The following EPHA7 variants were observed in gnomAD, a reference collection of about 807,000 sequenced individuals.
EPHA7 encodes the protein EPH receptor A7, also known as ephrin type-A receptor 7.
In EPHA7, 25 loss-of-function variants were observed where a neutral mutation model predicts 112.6. The ratio of observed to expected loss-of-function variants is 0.22; its 90% CI spans 0.16 to 0.31. EPHA7 has a LOEUF of 0.31. Ranked by LOEUF, EPHA7 falls within the 10% of genes least tolerant of loss-of-function variation. The pLI is 1.00. For synonymous variants in EPHA7, 437 were observed against 406.5 expected, an observed-to-expected ratio of 1.07 and a Z score of -0.90; for missense variants, 962 against 1,212.6, an observed-to-expected ratio of 0.79 and a Z score of 3.07.
chr6:93,316,848 A>T (rs181924248), intron 5 of EPHA7, among the ~76,000 whole-genome samples: 112 of 152,290 alleles, frequency 7.4e-4, no homozygotes, highest in African/African-American at 2.6e-3. Flanking sequence ...CTTGGCTTCT[A>T]ACTATACAAG....
chr6:93,279,052 C>T (rs953210961), intron 5 of EPHA7, among the ~76,000 whole-genome samples: 2 of 152,102 alleles, frequency 1.3e-5, no homozygotes, highest in African/African-American at 4.8e-5. Flanking sequence ...TTAAGCTGAG[C>T]AGAGATTTTT....
chr6:93,398,362 C>A (rs1164798575), intron 3 of EPHA7, among the ~76,000 whole-genome samples: 1 of 151,906 alleles, frequency 6.6e-6, no homozygotes. Flanking sequence ...CCAAATGTTA[C>A]AAAAGAGACT....
chr6:93,388,052 CATAGAGTAATCCAA>C (rs2127978215), intron 3 of EPHA7, among the ~76,000 whole-genome samples: 1 of 152,114 alleles, frequency 6.6e-6, no homozygotes, highest in African/African-American at 2.4e-5. Flanking sequence ...ATATAAAGAA[CATAGAGTAATCCAA>C]ATAGTCCACC....
intron 3 of EPHA7, among the ~76,000 whole-genome samples, chr6:93,369,075 A>G (rs1776650906): frequency 6.6e-6 from 1 of 152,008 alleles, no homozygotes; most frequent in South Asian, 2.1e-4. Flanking sequence ...AAAGAAAATA[A>G]CAAGCAGAAT....
chr6:93,364,473 G>A (rs773260837), intron 3 of EPHA7, among the ~76,000 whole-genome samples: 57 of 148,298 alleles, frequency 3.8e-4, no homozygotes, highest in Non-Finnish European at 6.8e-4. Flanking sequence ...GCAGTGAGCC[G>A]AGATGGTGCC....
At chr6:93,408,573 C>CA (rs1778826764) in intron 3 of EPHA7, among the ~76,000 whole-genome samples, 1 of 152,052 alleles carries the variant, frequency 6.6e-6, no homozygotes, top group South Asian at 2.1e-4. Flanking sequence ...CCTTCAGGGA[C>CA]ATAAAAGGAG....
intron 5 of EPHA7, among the ~76,000 whole-genome samples, chr6:93,293,489 C>A (rs560288406): frequency 3.5e-4 from 53 of 152,172 alleles, no homozygotes; most frequent in African/African-American, 1.2e-3. Context: ...TGCTTGCTCC[C>A]AAGATCATCA....
chr6:93,343,550 A>AT (rs921950421), intron 5 of EPHA7, among the ~76,000 whole-genome samples: 21 of 151,750 alleles, frequency 1.4e-4, no homozygotes, highest in African/African-American at 4.8e-4. Flanking sequence ...GAAAACAGGC[A>AT]TAGCAAACAC....
At chr6:93,254,144 A>G (rs1210483797) in intron 14 of EPHA7, among the ~76,000 whole-genome samples, 1 of 152,172 alleles carries the variant, frequency 6.6e-6, no homozygotes, top group Non-Finnish European at 1.5e-5. Flanking sequence ...CTAAAATATC[A>G]CTATGAAACA....
chr6:93,258,500 G>T (rs1301281058), intron 10 of EPHA7, among the ~76,000 whole-genome samples: 1 of 151,786 alleles, frequency 6.6e-6, no homozygotes, highest in East Asian at 1.9e-4. Flanking sequence ...AGTTGTTTAT[G>T]AAAATAATGG....
chr6:93,389,605 C>A (rs1481686568), intron 3 of EPHA7, among the ~76,000 whole-genome samples: 1 of 151,936 alleles, frequency 6.6e-6, no homozygotes. Flanking sequence ...TCATTAAATT[C>A]TTGTCAGAGG....
chr6:93,269,369 G>C, intron 7 of EPHA7, 108 bp downstream of exon 7: 1 of 793,820 alleles, frequency 1.3e-6, no homozygotes, highest in East Asian at 3.0e-5. Context: ...ATATTTATTT[G>C]TAAATGTAAA....
At chr6:93,389,296 GTA>G (rs977036552) in intron 3 of EPHA7, among the ~76,000 whole-genome samples, 4 of 152,000 alleles carry the variant, frequency 2.6e-5, no homozygotes, top group Non-Finnish European at 5.9e-5. Context: ...TACTTTGTGT[GTA>G]TTACATCACT....
At chr6:93,401,248 A>G (rs963802647) in intron 3 of EPHA7, among the ~76,000 whole-genome samples, 1 of 152,164 alleles carries the variant, frequency 6.6e-6, no homozygotes, top group African/African-American at 2.4e-5. Context: ...TCCATAAAAA[A>G]TATAACCATT....
intron 2 of EPHA7, among the ~76,000 whole-genome samples, chr6:93,412,317 G>T (rs3799791): frequency 0.075 from 11,425 of 151,962 alleles, 522 homozygotes; most frequent in African/African-American, 0.13. Flanking sequence ...AAAATCATGG[G>T]TAAATACTTT....
At chr6:93,328,670 G>A (rs1348234015) in intron 5 of EPHA7, among the ~76,000 whole-genome samples, 1 of 151,240 alleles carries the variant, frequency 6.6e-6, no homozygotes, top group African/African-American at 2.4e-5. Context: ...CTGAGTCATG[G>A]CAATTTTAAT....
rs555821846 is a variant in EPHA7 at position 93,284,320 on chromosome 6, ATTT to A, written c.1325-11901_1325-11899del. 2.2e-5 allele frequency among the ~76,000 whole-genome samples: 3 copies of A among 138,672 alleles called. No homozygotes were observed. The South Asian group carries it at 7.9e-4, about 37-fold the overall frequency. The allele number at this position is 138,672 out of a possible 152,430, so 91.0% of individuals were successfully genotyped here. A position where few individuals can be genotyped will look rare whatever the true frequency, so the allele number is the denominator to read the frequency against. On this transcript the variant is annotated intron_variant, in intron 5 of 16. Transcript: ENST00000369303. ...TCCTCGTTAGTGGCTTTGCTCATTT[ATTT>A]TTTTTTTTCAAAATCATCATTCTGG...
chr6:93,377,831 C>T (rs1777138414), intron 3 of EPHA7, among the ~76,000 whole-genome samples: 1 of 152,092 alleles, frequency 6.6e-6, no homozygotes, highest in Admixed American at 6.6e-5. Flanking sequence ...ATTCAGGATC[C>T]TACATTCCTG....
chr6:93,291,459 T>G (rs536168522), intron 5 of EPHA7, among the ~76,000 whole-genome samples: 1 of 152,232 alleles, frequency 6.6e-6, no homozygotes, highest in East Asian at 1.9e-4. Context: ...CTTCCATCAC[T>G]AAACAACAGA....
Sources: gnomAD v4.1 joint callset for allele counts (sites outside exome capture counted in the v4.1 genomes callset) on GRCh38, gnomAD v4.1.1 for gene constraint, MANE v1.5 for transcripts, NCBI Gene and HGNC (gene_info 2026-07-23, HGNC 2026-07-21) for gene names.